The following ADGB variants were observed in gnomAD, a reference collection of about 807,000 sequenced individuals.
ADGB encodes the protein androglobin.
Under a neutral mutation model 210.5 loss-of-function variants are expected in ADGB, and 172 were observed. The observed-to-expected ratio is 0.82, with a 90% CI of 0.72 to 0.93. ADGB has a LOEUF of 0.93. Ranked by LOEUF, ADGB falls within the 40% of genes least tolerant of loss-of-function variation. The pLI is 0.00. For synonymous variants in ADGB, 658 were observed against 662.7 expected, an observed-to-expected ratio of 0.99 and a Z score of 0.11; for missense variants, 2,025 against 1,964.8, an observed-to-expected ratio of 1.03 and a Z score of -0.58.
At chr6:146,646,079 G>A (rs115309516) in intron 3 of ADGB, among the ~76,000 whole-genome samples, 1 of 152,060 alleles carries the variant, frequency 6.6e-6, no homozygotes, top group African/African-American at 2.4e-5. Context: ...TCCACAAGAT[G>A]ATGATGTTGT....
At chr6:146,725,171 G>C (rs563209688) in intron 18 of ADGB, 1 of 152,178 alleles carries the variant, frequency 6.6e-6, no homozygotes, top group Non-Finnish European at 1.5e-5. Context: ...TACTCTGTCT[G>C]AGTGCTTATT....
intron 6 of ADGB, among the ~76,000 whole-genome samples, chr6:146,664,609 T>C (rs1048600479): frequency 6.6e-6 from 1 of 152,036 alleles, no homozygotes; most frequent in Non-Finnish European, 1.5e-5. Flanking sequence ...AATTTGATCA[T>C]GGAAAATGAT....
At chr6:146,741,761 T>G (rs192480554) in intron 25 of ADGB, among the ~76,000 whole-genome samples, 1 of 152,320 alleles carries the variant, frequency 6.6e-6, no homozygotes, top group Non-Finnish European at 1.5e-5. Context: ...GGGACCTTAC[T>G]GTGGCTAAAT....
intron 25 of ADGB, among the ~76,000 whole-genome samples, chr6:146,742,268 G>T (rs1035709750): frequency 1.3e-5 from 2 of 151,678 alleles, no homozygotes; most frequent in Admixed American, 1.3e-4. Context: ...CTGTTTTCTT[G>T]AAAGATTTTT....
chr6:146,767,300 A>C (rs1777589814), intron 28 of ADGB, among the ~76,000 whole-genome samples: 1 of 152,218 alleles, frequency 6.6e-6, no homozygotes, highest in South Asian at 2.1e-4. Flanking sequence ...ACTCACAGAT[A>C]ATATAATCAT....
intron 33 of ADGB, among the ~76,000 whole-genome samples, chr6:146,793,727 G>A (rs978482960): frequency 5.9e-5 from 9 of 152,216 alleles, no homozygotes; most frequent in African/African-American, 1.9e-4. Flanking sequence ...GTTGGTATAA[G>A]AGTTTGAAAG....
At chr6:146,736,367 T>A (rs1439281049) in intron 22 of ADGB, 131 bp from the exon 23 acceptor site, 2 of 573,056 alleles carry the variant, frequency 3.5e-6, no homozygotes. Flanking sequence ...TTTCTGCTAA[T>A]GAAGCCTATG....
chr6:146,605,045 A>G (rs1375544131), intron 1 of ADGB, among the ~76,000 whole-genome samples: 1 of 152,216 alleles, frequency 6.6e-6, no homozygotes, highest in Non-Finnish European at 1.5e-5. Flanking sequence ...AAGTTGAATC[A>G]TAAAGCATCT....
intron 13 of ADGB, among the ~76,000 whole-genome samples, chr6:146,709,856 C>T (rs76632622): frequency 1.3e-3 from 198 of 152,192 alleles, no homozygotes; most frequent in African/African-American, 4.6e-3. Context: ...TGTCTTATTT[C>T]TGTGCTACAT....
rs1431774530 is a variant in ADGB at position 146,726,126 on chromosome 6, T to A, written c.2281T>A (p.Ser761Thr). 34 of 1,549,470 alleles carry A rather than the reference T, an allele frequency of 2.2e-5. No homozygotes were observed. The highest frequency in any genetic ancestry group is 2.4e-5 in the Non-Finnish European group (28 of 1,144,996). Residue 761 changes from serine to threonine, a missense_variant, in exon 19 of 36, where the codon TCC becomes ACC. Ser to Thr is a moderately conservative substitution (Grantham distance 58). Coordinates refer to ENST00000397944, the MANE Select transcript of ADGB (RefSeq NM_024694.4). ...CAACGCATACTCCCCAGTAGGACACTCCATACACATCTGCAGCATGGTGTC... is the reference window on the plus strand; with the variant it reads ...CAACGCATACTCCCCAGTAGGACACACCATACACATCTGCAGCATGGTGTC... ...LFNAYSPVGH[S>T]IHICSMVSFV...
At chr6:146,655,329 G>T (rs920411976) in intron 4 of ADGB, among the ~76,000 whole-genome samples, 2 of 152,074 alleles carry the variant, frequency 1.3e-5, no homozygotes, top group African/African-American at 2.4e-5. Flanking sequence ...GGAAATTGGG[G>T]TGTACTTGGA....
At chr6:146,647,940 A>G (rs759090706) in intron 3 of ADGB, among the ~76,000 whole-genome samples, 1 of 152,094 alleles carries the variant, frequency 6.6e-6, no homozygotes, top group Non-Finnish European at 1.5e-5. Flanking sequence ...GACTCTAGAA[A>G]ATAATTTAAA....
At chr6:146,754,872 A>G (rs1320791605) in intron 27 of ADGB, among the ~76,000 whole-genome samples, 1 of 152,030 alleles carries the variant, frequency 6.6e-6, no homozygotes, top group Admixed American at 6.6e-5. Flanking sequence ...GCACACATAC[A>G]CTTTCATAAA....
chr6:146,717,713 T>C lies in ADGB; in HGVS notation c.1992+114T>C, dbSNP rs1776755722. 3 of 532,930 alleles carry C rather than the reference T, an allele frequency of 5.6e-6. No individual in the cohort carries two copies. In the South Asian group the frequency reaches 1.1e-4, roughly 19 times the overall value. The allele number at this position is 532,930 out of a possible 1,614,324, so 33.0% of individuals were successfully genotyped here. A position where few individuals can be genotyped will look rare whatever the true frequency, so the allele number is the denominator to read the frequency against. Reference sequence around the variant, plus strand: ...CTAAACTTGTAACATAGTTATATTTTTAAAAATTAATTTTTAGAGTCTCTC... The same window carrying C: ...CTAAACTTGTAACATAGTTATATTTCTAAAAATTAATTTTTAGAGTCTCTC... On this transcript the variant is annotated intron_variant, in intron 16 of 35. Coordinates refer to ENST00000397944, the MANE Select transcript of ADGB (RefSeq NM_024694.4).
chr6:146,787,411 G>A (rs542993108), intron 32 of ADGB, among the ~76,000 whole-genome samples: 84 of 152,116 alleles, frequency 5.5e-4, no homozygotes, highest in Admixed American at 1.3e-4. Context: ...TATGTACCCC[G>A]TATGTCTCAC....
intron 15 of ADGB, 86 bp from the exon 16 acceptor site, chr6:146,717,450 C>G: frequency 1.4e-6 from 1 of 736,492 alleles, no homozygotes; most frequent in Non-Finnish European, 2.1e-6. Context: ...TTTCTTCCTA[C>G]AATAATTTGA....
At chr6:146,612,692 G>A (rs1780728856) in intron 1 of ADGB, among the ~76,000 whole-genome samples, 1 of 152,074 alleles carries the variant, frequency 6.6e-6, no homozygotes, top group South Asian at 2.1e-4. Flanking sequence ...CTGTCAGTAA[G>A]CTTTGTCATC....
At position 146,672,389 on chromosome 6, in the gene ADGB, A is replaced by G. The variant is rs199500718; in HGVS notation, c.1009A>G (p.Lys337Glu). ...GKEIKDGKEV[K>E]DVKEFKPESS... ...AGAAATAAAGGATGGAAAGGAAGTA[A>G]AAGACGTGAAGGAATTCAAACCTGA... The change falls in exon 8 of 36, where the codon AAA becomes GAA. Residue 337 changes from lysine (K) to glutamate (E), a missense_variant. Transcript: ENST00000397944. 9.4e-4 allele frequency: 1,451 copies of G among 1,551,318 alleles called. 2 individuals are homozygous for G. Among genetic ancestry groups the G allele is most frequent in the Non-Finnish European group, 1.2e-3 (1,334 of 1,146,852 alleles).
At chr6:146,812,311 G>T (rs188252433) in intron 35 of ADGB, among the ~76,000 whole-genome samples, 210 of 152,340 alleles carry the variant, frequency 1.4e-3, no homozygotes, top group African/African-American at 4.3e-3. Flanking sequence ...ACTGAGGCAA[G>T]AGTTTCATCA....
Sources: allele counts gnomAD v4.1 joint callset (sites outside exome capture counted in the v4.1 genomes callset), GRCh38; gene constraint gnomAD v4.1.1; transcripts MANE v1.5; gene names NCBI Gene and HGNC (gene_info 2026-07-23, HGNC 2026-07-21).